Variants in SPOCK3 observed in about 807,000 individuals in gnomAD.
SPOCK3 encodes SPARC (osteonectin), cwcv and kazal like domains proteoglycan 3.
In SPOCK3, 30 loss-of-function variants were observed where a neutral mutation model predicts 56.6. That is an observed-to-expected ratio of 0.53 (90% CI 0.40 to 0.72). The LOEUF (loss-of-function observed/expected upper bound fraction) is 0.72. Among genes scored for constraint, SPOCK3 ranks in the 30% least tolerant of loss-of-function variants. SPOCK3 has a pLI of 0.00. For missense variants in SPOCK3, 527 were observed against 530.0 expected (o/e 0.99, Z 0.06); for synonymous variants, 196 against 183.3 (o/e 1.07, Z -0.56).
At chr4:166,950,693 C>G (rs1319682794) in intron 4 of SPOCK3, among the ~76,000 whole-genome samples, 1 of 149,012 alleles carries the variant, frequency 6.7e-6, no homozygotes, top group Non-Finnish European at 1.5e-5. Flanking sequence ...AAGTAAAGCT[C>G]TCCTCAGCAA....
chr4:166,893,854 A>T (rs1324796767), intron 5 of SPOCK3, among the ~76,000 whole-genome samples: 2 of 152,158 alleles, frequency 1.3e-5, no homozygotes, highest in African/African-American at 4.8e-5. Flanking sequence ...TCTCATAAAC[A>T]GCATTCCTCA....
chr4:166,806,317 T>C (rs981414213), intron 6 of SPOCK3, among the ~76,000 whole-genome samples: 1 of 152,088 alleles, frequency 6.6e-6, no homozygotes, highest in Non-Finnish European at 1.5e-5. Context: ...CAATACATAA[T>C]GCTACATTTT....
chr4:166,847,273 CTTTTA>C (rs1195616069), intron 6 of SPOCK3, among the ~76,000 whole-genome samples: 1 of 151,916 alleles, frequency 6.6e-6, no homozygotes, highest in African/African-American at 2.4e-5. Context: ...TTGGAGATTC[CTTTTA>C]TTTTATTATT....
intron 3 of SPOCK3, among the ~76,000 whole-genome samples, chr4:167,007,300 T>C (rs905075384): frequency 6.6e-6 from 1 of 151,912 alleles, no homozygotes; most frequent in South Asian, 2.1e-4. Flanking sequence ...AATGGTGTAG[T>C]AGTTCCAAAT....
intron 6 of SPOCK3, among the ~76,000 whole-genome samples, chr4:166,868,508 T>A (rs2126936250): frequency 6.6e-6 from 1 of 152,132 alleles, no homozygotes; most frequent in Non-Finnish European, 1.5e-5. Flanking sequence ...TTACACTGAG[T>A]GTCACCTGAA....
At chr4:166,825,608 T>A (rs1745379425) in intron 6 of SPOCK3, among the ~76,000 whole-genome samples, 2 of 152,086 alleles carry the variant, frequency 1.3e-5, no homozygotes, top group South Asian at 4.1e-4. Context: ...GCGGCACAAT[T>A]CACAATTGCA....
intron 6 of SPOCK3, among the ~76,000 whole-genome samples, chr4:166,858,403 T>C (rs912159626): frequency 3.3e-5 from 5 of 152,222 alleles, no homozygotes; most frequent in African/African-American, 1.2e-4. Flanking sequence ...TTCTGATTTC[T>C]TCTAAACTTC....
At chr4:167,163,492 A>G (rs1765499340) in intron 2 of SPOCK3, among the ~76,000 whole-genome samples, 1 of 152,018 alleles carries the variant, frequency 6.6e-6, no homozygotes, top group African/African-American at 2.4e-5. Context: ...AATTGACTAT[A>G]GTTGGCCTGT....
chr4:166,768,326 C>T (rs182936106), intron 7 of SPOCK3, among the ~76,000 whole-genome samples: 2 of 152,280 alleles, frequency 1.3e-5, no homozygotes, highest in Admixed American at 1.3e-4. Flanking sequence ...GTGGCTGGTA[C>T]CGATTGTTCC....
intron 2 of SPOCK3, among the ~76,000 whole-genome samples, chr4:167,127,721 C>A (rs1005085572): frequency 6.6e-6 from 1 of 152,172 alleles, no homozygotes. Flanking sequence ...AGCCACCATG[C>A]ACAGCCTGGA....
At chr4:167,139,901 A>G (rs1763396604) in intron 2 of SPOCK3, among the ~76,000 whole-genome samples, 1 of 151,894 alleles carries the variant, frequency 6.6e-6, no homozygotes, top group Non-Finnish European at 1.5e-5. Context: ...ATGTAACCCA[A>G]TTCTGCACCA....
chr4:166,768,667 G>GGAGTTGCTCTTCTTGAGGAGTATCTTT (rs1738478680), intron 7 of SPOCK3, among the ~76,000 whole-genome samples: 1 of 152,088 alleles, frequency 6.6e-6, no homozygotes, highest in African/African-American at 2.4e-5. Context: ...TACGTATCTT[G>GGAGTTGCTCTTCTTGAGGAGTATCTTT]GAGTTGCTCT....
At chr4:167,146,330 A>G (rs1333084889) in intron 2 of SPOCK3, among the ~76,000 whole-genome samples, 1 of 152,186 alleles carries the variant, frequency 6.6e-6, no homozygotes. Flanking sequence ...AGAGACCTAC[A>G]AAGAGACTTA....
intron 2 of SPOCK3, among the ~76,000 whole-genome samples, chr4:167,117,888 T>C (rs1411053923): frequency 6.6e-6 from 1 of 152,180 alleles, no homozygotes; most frequent in African/African-American, 2.4e-5. Context: ...CAACAGACTG[T>C]GCCATGAAAC....
intron 6 of SPOCK3, among the ~76,000 whole-genome samples, chr4:166,835,426 A>T (rs949713533): frequency 6.6e-6 from 1 of 152,214 alleles, no homozygotes; most frequent in Non-Finnish European, 1.5e-5. Context: ...TTTTTTAAAC[A>T]TCTGAAGTTA....
intron 6 of SPOCK3, among the ~76,000 whole-genome samples, chr4:166,831,966 T>C (rs183994052): frequency 1.3e-5 from 2 of 152,182 alleles, no homozygotes; most frequent in East Asian, 3.9e-4. Context: ...TCAAGTTCCT[T>C]ATAAATTCTG....
intron 4 of SPOCK3, among the ~76,000 whole-genome samples, chr4:166,950,815 C>T (rs1367851006): frequency 6.7e-6 from 1 of 149,394 alleles, no homozygotes; most frequent in Non-Finnish European, 1.5e-5. Flanking sequence ...GGAAACTGAA[C>T]AACCTGTTCC....
intron 4 of SPOCK3, among the ~76,000 whole-genome samples, chr4:166,913,302 G>A (rs1469485778): frequency 6.6e-6 from 1 of 152,136 alleles, no homozygotes; most frequent in Non-Finnish European, 1.5e-5. Context: ...ATAGATCCAT[G>A]CAGCTTTGAT....
chr4:166,949,179 G>C (rs1742174127), intron 4 of SPOCK3, among the ~76,000 whole-genome samples: 1 of 152,096 alleles, frequency 6.6e-6, no homozygotes, highest in Non-Finnish European at 1.5e-5. Context: ...CTCGAGCCTT[G>C]GCTTTCAGCT....
Sources: allele counts gnomAD v4.1 joint callset (sites outside exome capture counted in the v4.1 genomes callset), GRCh38; gene constraint gnomAD v4.1.1; transcripts MANE v1.5; gene names NCBI Gene and HGNC (gene_info 2026-07-23, HGNC 2026-07-21).